Variants in NUAK1 observed in about 807,000 individuals in gnomAD.
NUAK1 encodes NUAK family SNF1-like kinase 1.
In NUAK1, 26 loss-of-function variants were observed where a neutral mutation model predicts 56.9. The ratio of observed to expected loss-of-function variants is 0.46; its 90% CI spans 0.33 to 0.63. The LOEUF is 0.63. Ranked by LOEUF, NUAK1 falls within the 30% of genes least tolerant of loss-of-function variation. The pLI, the probability that NUAK1 is intolerant of heterozygous loss-of-function variation, is 0.02. For synonymous variants in NUAK1, 337 were observed against 336.0 expected, an observed-to-expected ratio of 1.00 and a Z score of -0.03; for missense variants, 727 against 876.1, an observed-to-expected ratio of 0.83 and a Z score of 2.15.
At chr12:106,102,844 G>A (rs1337828794) in intron 2 of NUAK1, among the ~76,000 whole-genome samples, 1 of 152,212 alleles carries the variant, frequency 6.6e-6, no homozygotes, top group Non-Finnish European at 1.5e-5. Flanking sequence ...AAGACCTCCT[G>A]ATGTGAGACC....
chr12:106,100,656 A>C (rs551973824), intron 2 of NUAK1, among the ~76,000 whole-genome samples: 3 of 152,324 alleles, frequency 2.0e-5, no homozygotes, highest in Admixed American at 2.0e-4. Flanking sequence ...GCACTTTATT[A>C]GCATTTTTGT....
intron 1 of NUAK1, among the ~76,000 whole-genome samples, chr12:106,121,646 T>A (rs2032975670): frequency 6.6e-6 from 1 of 151,854 alleles, no homozygotes; most frequent in Non-Finnish European, 1.5e-5. Context: ...GCTACTTGGG[T>A]GGCTGAGGCA....
chr12:106,099,501 C>T (rs565256377), intron 2 of NUAK1, among the ~76,000 whole-genome samples: 69 of 152,266 alleles, frequency 4.5e-4, no homozygotes, highest in African/African-American at 1.6e-3. Flanking sequence ...GGGTCAAGAA[C>T]AATACTTCCC....
At chr12:106,103,925 A>G (rs1288964502) in intron 2 of NUAK1, among the ~76,000 whole-genome samples, 3 of 152,166 alleles carry the variant, frequency 2.0e-5, no homozygotes, top group Non-Finnish European at 2.9e-5. Context: ...AAGTTTCCTG[A>G]GGCCTCCCCA....
chr12:106,065,483 C>T lies in NUAK1; in HGVS notation c.*1319G>A, dbSNP rs1262944483. The T allele has an allele frequency of 3.3e-5, 5 of 152,132 alleles. No individual in the cohort carries two copies. Among genetic ancestry groups the T allele is most frequent in the African/African-American group, 1.2e-4 (5 of 41,408 alleles). 9.4% of individuals were successfully genotyped at this position (152,132 alleles called of 1,614,324 possible). On this transcript the variant is annotated 3_prime_UTR_variant, in exon 7 of 7. Transcript: ENST00000261402. ...AAATGAATGGAACTTTCTCTTCCCC[C>T]AAAGCCCAGGAGTTCATGGCAAAGT...
Position 106,138,680 on chromosome 12 carries a change from C to T in NUAK1, c.-27G>A. The T allele has an allele frequency of 6.7e-7, 1 of 1,494,506 alleles. No individual in the cohort carries two copies. The highest frequency in any genetic ancestry group is 8.8e-7 in the Non-Finnish European group (1 of 1,131,794). 92.6% of individuals were successfully genotyped at this position (1,494,506 alleles called of 1,614,324 possible). ...TCCAAGCGCGGGGCGAGCCGGGCTA[C>T]AGAGGGCAAGACCGGGCACAGCGCT... On this transcript the variant is annotated 5_prime_UTR_variant, in exon 1 of 7. Coordinates refer to ENST00000261402, the MANE Select transcript of NUAK1 (RefSeq NM_014840.3). The surrounding 1 kb of genome is among the most constrained non-coding windows in gnomAD (Gnocchi z 5.0).
intron 1 of NUAK1, among the ~76,000 whole-genome samples, chr12:106,129,531 G>A (rs2033056573): frequency 6.6e-6 from 1 of 152,136 alleles, no homozygotes; most frequent in Non-Finnish European, 1.5e-5. Flanking sequence ...CGAGACACGG[G>A]GCTGAAACAA....
At position 106,066,978 on chromosome 12, in the gene NUAK1, C is replaced by T; in HGVS notation, c.1810G>A (p.Ala604Thr). The change falls in exon 7 of 7, where the codon GCA (alanine) becomes ACA (threonine). Residue 604 changes from alanine (A) to threonine (T), a missense_variant. Ala to Thr is a moderately conservative substitution (Grantham distance 58, BLOSUM62 0). Transcript: ENST00000261402. ...TCCTGGATCTGGAGGAAGTTTTCTG[C>T]AGAGACGCAGCTGCGGATGCGCTGG... is the stretch of plus-strand genomic sequence containing the variant. ...ARQRIRSCVS[A>T]ENFLQIQDFE... 1.2e-6 allele frequency: 2 copies of T among 1,614,228 alleles called. No homozygotes were observed. The highest frequency in any genetic ancestry group is 2.2e-5 in the East Asian group (1 of 44,878).
rs185220708 is a variant in NUAK1, at chr12:106,124,858, A to T, written c.240+13556T>A. Among the ~76,000 whole-genome samples, 305 of 152,146 alleles carry T rather than the reference A, an allele frequency of 2.0e-3. 1 individual carries two copies. Among genetic ancestry groups the T allele is most frequent in the East Asian group, 0.016 (81 of 5,172 alleles). On this transcript the variant is annotated intron_variant, in intron 1 of 6. Transcript: ENST00000261402. ...CTAAAAATACAAAAATCAGCTAGGC[A>T]TGGTGGTGCACACCTGTAGTCCCAG...
chr12:106,092,158 A>G (rs1337185494), intron 2 of NUAK1, among the ~76,000 whole-genome samples: 1 of 152,196 alleles, frequency 6.6e-6, no homozygotes, highest in East Asian at 1.9e-4. Flanking sequence ...CCAAAGATAC[A>G]GATACACCAA....
At position 106,072,798 on chromosome 12, in the gene NUAK1, A is replaced by G. The variant is rs779127352; in HGVS notation, c.625T>C (p.Leu209=). 6.2e-7 allele frequency: 1 copy of G among 1,614,128 alleles called. No homozygotes were observed. Among genetic ancestry groups the G allele is most frequent in the South Asian group, 1.1e-5 (1 of 91,074 alleles). ...LSNLYQKDKF[L]QTFCGSPLYA... is the part of the protein sequence containing the mutation. ...AGTGGACTCCCACAAAACGTTTGTAAGAACTTATCCTTCTGGTACAGGTTG... is the reference window on the plus strand; with the variant it reads ...AGTGGACTCCCACAAAACGTTTGTAGGAACTTATCCTTCTGGTACAGGTTG... The change falls in exon 5 of 7, where the codon TTA becomes CTA. Residue 209 remains leucine (L), a synonymous_variant. Transcript: ENST00000261402.
intron 1 of NUAK1, among the ~76,000 whole-genome samples, chr12:106,125,696 C>T (rs1211816591): frequency 6.6e-6 from 1 of 152,110 alleles, no homozygotes; most frequent in East Asian, 1.9e-4. Flanking sequence ...TTCTCCTCTC[C>T]AGGATCTCTA....
At chr12:106,079,154 G>A (rs1404472743) in intron 4 of NUAK1, among the ~76,000 whole-genome samples, 7 of 152,112 alleles carry the variant, frequency 4.6e-5, no homozygotes, top group Admixed American at 1.3e-4. Context: ...CACCCACCCC[G>A]GTGGAGACAT....
At position 106,129,035 on chromosome 12, in the gene NUAK1, C is replaced by A. The variant is rs185426116; in HGVS notation, c.240+9379G>T. On this transcript the variant is annotated intron_variant, in intron 1 of 6. Coordinates refer to ENST00000261402, the MANE Select transcript of NUAK1 (RefSeq NM_014840.3). Reference sequence around the variant, plus strand: ...CACTCTGCAGAGCTGATTACCTGGGCTTCTCAGATGGAGGGCTGGACTCTG... The same window carrying A: ...CACTCTGCAGAGCTGATTACCTGGGATTCTCAGATGGAGGGCTGGACTCTG... 9.4e-4 allele frequency among the ~76,000 whole-genome samples: 143 copies of A among 152,352 alleles called. 1 individual carries two copies. The highest frequency in any genetic ancestry group is 1.8e-3 in the Non-Finnish European group (121 of 68,040).
At chr12:106,128,594 A>G (rs764270539) in intron 1 of NUAK1, among the ~76,000 whole-genome samples, 41 of 152,344 alleles carry the variant, frequency 2.7e-4, no homozygotes, top group Non-Finnish European at 4.3e-4. Context: ...ACCTGCTGCA[A>G]TCAAGCACCT....
intron 2 of NUAK1, among the ~76,000 whole-genome samples, chr12:106,101,684 CT>C (rs771414066): frequency 8.5e-5 from 13 of 152,304 alleles, no homozygotes; most frequent in Non-Finnish European, 1.8e-4. Flanking sequence ...TACGACAGCC[CT>C]AACAAACTAA....
intron 4 of NUAK1, among the ~76,000 whole-genome samples, chr12:106,075,411 T>C (rs947221695): frequency 2.0e-5 from 3 of 152,014 alleles, no homozygotes; most frequent in Non-Finnish European, 4.4e-5. Context: ...ATATCAACTA[T>C]TGATAAGAGG....
At chr12:106,075,576 G>C (rs1184321004) in intron 4 of NUAK1, among the ~76,000 whole-genome samples, 1 of 152,120 alleles carries the variant, frequency 6.6e-6, no homozygotes, top group Non-Finnish European at 1.5e-5. Flanking sequence ...CCCAGAGTTG[G>C]AGCTCAATAT....
intron 4 of NUAK1, among the ~76,000 whole-genome samples, chr12:106,078,343 T>G (rs1376683129): frequency 1.3e-5 from 2 of 152,370 alleles, no homozygotes; most frequent in South Asian, 2.1e-4. Context: ...AGATTGCAGA[T>G]AGTGGAATTC....
Sources: allele counts gnomAD v4.1 joint callset (sites outside exome capture counted in the v4.1 genomes callset), GRCh38; gene constraint gnomAD v4.1.1; non-coding constraint Gnocchi (gnomAD v3.1); transcripts MANE v1.5; gene names NCBI Gene and HGNC (gene_info 2026-07-23, HGNC 2026-07-21).